Variants in WDR17 observed in about 807,000 individuals in gnomAD.
WDR17 encodes WD repeat domain 17.
Under a neutral mutation model 161.7 loss-of-function variants are expected in WDR17, and 143 were observed. The observed-to-expected ratio is 0.88, with a 90% confidence interval of 0.77 to 1.02. WDR17 has a LOEUF of 1.02. WDR17 is among the 50% of genes least tolerant of loss of function. The pLI is 0.00. For missense variants in WDR17, 1,469 were observed against 1,520.9 expected, an observed-to-expected ratio of 0.97 and a Z score of 0.57; for synonymous variants, 517 against 515.6, an observed-to-expected ratio of 1.00 and a Z score of -0.04.
intron 18 of WDR17, among the ~76,000 whole-genome samples, chr4:176,157,072 T>A (rs1748262383): frequency 6.6e-6 from 1 of 152,190 alleles, no homozygotes; most frequent in Non-Finnish European, 1.5e-5. Flanking sequence ...TTCACAGGTA[T>A]CGTGGGTTAG....
intron 8 of WDR17, 180 bp downstream of exon 8, chr4:176,135,456 G>T (rs1051433394): frequency 6.1e-6 from 4 of 658,830 alleles, no homozygotes; most frequent in Admixed American, 3.0e-5. Flanking sequence ...TATCTGCAGA[G>T]GCACTTTGAT....
At chr4:176,137,812 G>T (rs35829366) in intron 9 of WDR17, among the ~76,000 whole-genome samples, 38,535 of 151,428 alleles carry the variant, frequency 0.25, 5,071 homozygotes, top group African/African-American at 0.3. Context: ...TGAAGTTGCA[G>T]TAGAGAGTCA....
chr4:176,116,685 A>C (rs1740696462), intron 3 of WDR17, among the ~76,000 whole-genome samples: 1 of 151,862 alleles, frequency 6.6e-6, no homozygotes, highest in African/African-American at 2.4e-5. Context: ...TATAAATTTG[A>C]GATATAAAAC....
At chr4:176,162,676 G>A (rs1258471861) in intron 21 of WDR17, among the ~76,000 whole-genome samples, 1 of 152,058 alleles carries the variant, frequency 6.6e-6, no homozygotes, top group African/African-American at 2.4e-5. Context: ...TTATTCACAA[G>A]TTATATTTTT....
At chr4:176,109,910 C>T (rs1739421558) in intron 1 of WDR17, among the ~76,000 whole-genome samples, 1 of 152,116 alleles carries the variant, frequency 6.6e-6, no homozygotes, top group South Asian at 2.1e-4. Context: ...ATATTGACTA[C>T]CCAATATATT....
At chr4:176,167,187 G>T (rs1176285099) in intron 22 of WDR17, among the ~76,000 whole-genome samples, 2 of 152,034 alleles carry the variant, frequency 1.3e-5, no homozygotes, top group East Asian at 3.9e-4. Context: ...AAAAAGAATT[G>T]ATTTACTTAA....
At chr4:176,161,999 C>T in intron 20 of WDR17, 76 bp from the exon 21 acceptor site, 2 of 1,235,510 alleles carry the variant, frequency 1.6e-6, no homozygotes, top group Non-Finnish European at 1.1e-6. Context: ...TTTTATCATA[C>T]CTTTTAAAAA....
chr4:176,094,884 G>T (rs995613674), intron 1 of WDR17, among the ~76,000 whole-genome samples: 2 of 152,096 alleles, frequency 1.3e-5, no homozygotes, highest in Non-Finnish European at 2.9e-5. Flanking sequence ...ATTTGGGGTG[G>T]TAGAAAGGAA....
In WDR17 at chr4:176,137,715, G is replaced by T. The variant is rs566871797; in HGVS notation, c.1359+104G>T. ...TAATATAATATCACTTAATAATCAG[G>T]TGGTATGTGTGTTCTCTCAATTAGA... On this transcript the variant is annotated intron_variant, in intron 9 of 28. Coordinates refer to ENST00000508596, the MANE Select transcript of WDR17 (RefSeq NM_181265.4). 101 of 585,320 alleles carry T rather than the reference G, an allele frequency of 1.7e-4. No homozygotes were observed. In the South Asian group the frequency reaches 2.0e-3, roughly 11 times the overall value. The allele number at this position is 585,320 out of a possible 1,614,324, so 36.3% of individuals were successfully genotyped here. A position where few individuals can be genotyped will look rare whatever the true frequency, so the allele number is the denominator to read the frequency against.
At chr4:176,097,744 C>CACAT (rs1554018078) in intron 1 of WDR17, among the ~76,000 whole-genome samples, 1 of 81,008 alleles carries the variant, frequency 1.2e-5, no homozygotes, top group Non-Finnish European at 3.0e-5. Flanking sequence ...CACACACATA[C>CACAT]ACACACACAC....
intron 6 of WDR17, among the ~76,000 whole-genome samples, chr4:176,131,177 T>C (rs1272357518): frequency 6.6e-6 from 1 of 152,168 alleles, no homozygotes; most frequent in Non-Finnish European, 1.5e-5. Context: ...AAAAATTATA[T>C]GCATATATGT....
rs756682967 is a variant in WDR17 at position 176,160,940 on chromosome 4, A to G, written c.2688A>G (p.Leu896=). 6.2e-7 allele frequency: 1 copy of G among 1,609,314 alleles called. No homozygotes were observed. Among genetic ancestry groups the G allele is most frequent in the South Asian group, 1.1e-5 (1 of 89,438 alleles). The stretch of plus-strand genomic sequence containing the variant: ...CTTGTGAAGGAAATATGCAGCCCTT[A>G]CATGTTTCCGTGCCTAAAGGAGCTT... ...QAACEGNMQP[L]HVSVPKGASY... Residue 896 remains leucine (L), a synonymous_variant, in exon 20 of 29, where the codon TTA becomes TTG. Coordinates refer to ENST00000508596, the MANE Select transcript of WDR17 (RefSeq NM_181265.4).
At chr4:176,122,620 T>G (rs1741786052) in intron 4 of WDR17, among the ~76,000 whole-genome samples, 1 of 152,198 alleles carries the variant, frequency 6.6e-6, no homozygotes. Context: ...AATACCAGTA[T>G]AGCTAGGCTT....
At chr4:176,096,786 C>T (rs1048111427) in intron 1 of WDR17, among the ~76,000 whole-genome samples, 14 of 151,728 alleles carry the variant, frequency 9.2e-5, no homozygotes, top group African/African-American at 3.4e-4. Context: ...GAAGAAAGGG[C>T]ATTTTTTTCT....
At chr4:176,114,904 T>C (rs1430933505) in intron 2 of WDR17, among the ~76,000 whole-genome samples, 1 of 151,142 alleles carries the variant, frequency 6.6e-6, no homozygotes, top group African/African-American at 2.4e-5. Context: ...GGCCATCAAG[T>C]GGAGGTGATC....
intron 1 of WDR17, among the ~76,000 whole-genome samples, chr4:176,093,329 A>C (rs1230280125): frequency 1.3e-5 from 2 of 152,144 alleles, no homozygotes; most frequent in East Asian, 3.9e-4. Flanking sequence ...AGAAATAGAA[A>C]TAATAGTCCT....
At chr4:176,108,265 A>C (rs558957936) in intron 1 of WDR17, among the ~76,000 whole-genome samples, 8 of 152,368 alleles carry the variant, frequency 5.3e-5, no homozygotes, top group East Asian at 3.9e-4. Flanking sequence ...CTATCGAGCC[A>C]TGAAAAGACA....
At chr4:176,104,557 A>C (rs778444743) in intron 1 of WDR17, among the ~76,000 whole-genome samples, 1 of 152,038 alleles carries the variant, frequency 6.6e-6, no homozygotes, top group Non-Finnish European at 1.5e-5. Flanking sequence ...AGGCCACACA[A>C]TATATAAAGA....
At chr4:176,090,705 A>G (rs967169925) in intron 1 of WDR17, among the ~76,000 whole-genome samples, 1 of 152,186 alleles carries the variant, frequency 6.6e-6, no homozygotes, top group African/African-American at 2.4e-5. Flanking sequence ...AGACACACAC[A>G]GAAATATAGA....
Sources: gnomAD v4.1 joint callset for allele counts (sites outside exome capture counted in the v4.1 genomes callset) on GRCh38, gnomAD v4.1.1 for gene constraint, MANE v1.5 for transcripts, NCBI Gene and HGNC (gene_info 2026-07-23, HGNC 2026-07-21) for gene names.